The following FBXO9 variants were observed in gnomAD, a reference collection of about 807,000 sequenced individuals.
The protein encoded by FBXO9 is F-box only protein 9.
In FBXO9, 43 loss-of-function variants were observed where a neutral mutation model predicts 63.7. That is an observed-to-expected ratio of 0.67 (90% CI 0.53 to 0.87). The LOEUF is 0.87. FBXO9 is among the 40% of genes least tolerant of loss of function. The probability of loss-of-function intolerance (pLI) is 0.00; values close to 1 mark genes in which losing one functional copy is unlikely to be tolerated. For synonymous variants in FBXO9, 156 were observed against 171.7 expected (o/e 0.91, Z 0.72); for missense variants, 442 against 533.2 (o/e 0.83, Z 1.68).
chr6:53,070,215 T>A (rs1768865099), intron 1 of FBXO9, among the ~76,000 whole-genome samples: 1 of 151,892 alleles, frequency 6.6e-6, no homozygotes, highest in Non-Finnish European at 1.5e-5. Flanking sequence ...AGATGGGGTT[T>A]CACTATGTTG....
intron 10 of FBXO9, 89 bp downstream of exon 10, chr6:53,093,650 T>A: frequency 1.0e-6 from 1 of 972,372 alleles, no homozygotes; most frequent in Non-Finnish European, 1.5e-6. Context: ...TTCTTTCACT[T>A]AATACTGGAT....
chr6:53,092,275 C>A, intron 7 of FBXO9, 154 bp from the exon 8 acceptor site: 2 of 588,314 alleles, frequency 3.4e-6, no homozygotes, highest in Middle Eastern at 4.1e-4. Context: ...AGTAAAAGAG[C>A]AGGGCCTTTG....
At chr6:53,086,470 TAAAG>T (rs915338548) in intron 7 of FBXO9, among the ~76,000 whole-genome samples, 15 of 152,178 alleles carry the variant, frequency 9.9e-5, no homozygotes, top group African/African-American at 3.6e-4. Flanking sequence ...GCCAAAAAGA[TAAAG>T]AAATACCTTT....
chr6:53,069,718 G>T (rs1022615873), intron 1 of FBXO9, among the ~76,000 whole-genome samples: 9 of 152,150 alleles, frequency 5.9e-5, no homozygotes, highest in African/African-American at 1.9e-4. Context: ...CAAAAGACTT[G>T]AGACATATCA....
chr6:53,069,181 G>C (rs1196539060), intron 1 of FBXO9, among the ~76,000 whole-genome samples: 3 of 152,138 alleles, frequency 2.0e-5, no homozygotes, highest in Non-Finnish European at 4.4e-5. Context: ...AAACAAAGTT[G>C]TTATTTTTAG....
rs550466539 is a variant in FBXO9, at chr6:53,078,834, C to G, written c.343C>G (p.Pro115Ala). The change falls in exon 5 of 13, where the codon CCT becomes GCT. Residue 115 changes from proline (P) to alanine (A), a missense_variant. By Grantham distance (27) the Pro-to-Ala change is conservative. This residue lies in a region of FBXO9 where 180 missense variants were observed against 171.1 expected (regional missense o/e 1.05). Transcript: ENST00000323557. Reference sequence around the variant, plus strand: ...TTATCGTAGGGCTATGCAACTTGTACCTGATATAGAGTTCAAGATTACTTA... The same window carrying G: ...TTATCGTAGGGCTATGCAACTTGTAGCTGATATAGAGTTCAAGATTACTTA... ...KFYRRAMQLVPDIEFKITYTR... is the reference protein window; with the variant it reads ...KFYRRAMQLVADIEFKITYTR... The G allele has an allele frequency of 6.2e-7, 1 of 1,613,730 alleles. No homozygotes were observed. The highest frequency in any genetic ancestry group is 1.3e-5 in the African/African-American group (1 of 75,032).
intron 2 of FBXO9, among the ~76,000 whole-genome samples, chr6:53,072,338 G>A: frequency 6.6e-6 from 1 of 152,186 alleles, no homozygotes; most frequent in Non-Finnish European, 1.5e-5. Flanking sequence ...GAAGATTGCT[G>A]TGCAGGAAGT....
intron 1 of FBXO9, among the ~76,000 whole-genome samples, chr6:53,070,015 TCC>T (rs375534993): frequency 1.3e-5 from 2 of 148,240 alleles, no homozygotes. Flanking sequence ...TTTTCTTTTT[TCC>T]TTTTTTTTTT....
At chr6:53,081,771 G>GAATT (rs2127493876) in intron 6 of FBXO9, among the ~76,000 whole-genome samples, 1 of 152,288 alleles carries the variant, frequency 6.6e-6, no homozygotes, top group African/African-American at 2.4e-5. Flanking sequence ...GAATGTTTAG[G>GAATT]AATTAATGGA....
In FBXO9 at chr6:53,080,952, A is replaced by C; in HGVS notation, c.408-16A>C. The C allele has an allele frequency of 6.2e-7, 1 of 1,612,978 alleles. No individual in the cohort carries two copies. Among genetic ancestry groups the C allele is most frequent in the East Asian group, 2.2e-5 (1 of 44,854 alleles). On this transcript the variant is annotated splice_polypyrimidine_tract_variant and intron_variant, in intron 5 of 12. Transcript: ENST00000323557. ...GTAGACTGAGGCACTTAATTTATTC[A>C]CCTCCCTTTTTTCAGCATTGAAGAT...
chr6:53,071,256 C>A, intron 2 of FBXO9, 113 bp downstream of exon 2: 1 of 994,854 alleles, frequency 1.0e-6, no homozygotes, highest in Non-Finnish European at 1.5e-6. Context: ...TGGAATTTAA[C>A]TGTTTCCATA....
At chr6:53,076,124 A>G (rs1261609091) in intron 3 of FBXO9, among the ~76,000 whole-genome samples, 1 of 152,166 alleles carries the variant, frequency 6.6e-6, no homozygotes, top group Non-Finnish European at 1.5e-5. Context: ...TGGCTTGTAA[A>G]TATTTTCATC....
At chr6:53,081,807 G>A (rs75993292) in intron 6 of FBXO9, among the ~76,000 whole-genome samples, 12,197 of 152,182 alleles carry the variant, frequency 0.08, 513 homozygotes, top group Middle Eastern at 0.14. Flanking sequence ...GGTGGCTCAC[G>A]CCTGCAATCT....
intron 1 of FBXO9, chr6:53,066,247 C>G: frequency 5.0e-6 from 3 of 598,426 alleles, no homozygotes; most frequent in Non-Finnish European, 4.2e-6. Flanking sequence ...CACCGACAGT[C>G]CCTGCCGGCA....
intron 1 of FBXO9, chr6:53,067,885 T>C (rs767244104): frequency 6.6e-6 from 1 of 152,184 alleles, no homozygotes; most frequent in Non-Finnish European, 1.5e-5. Context: ...GAGTTCTTGA[T>C]CTCATTTATT....
chr6:53,077,915 C>T (rs949758250), intron 4 of FBXO9, among the ~76,000 whole-genome samples: 3 of 152,082 alleles, frequency 2.0e-5, no homozygotes, highest in Admixed American at 6.6e-5. Context: ...TCAGCCTCTA[C>T]AGCTCCAAGT....
intron 3 of FBXO9, among the ~76,000 whole-genome samples, chr6:53,076,137 C>T (rs904877529): frequency 6.6e-6 from 1 of 152,166 alleles, no homozygotes; most frequent in African/African-American, 2.4e-5. Flanking sequence ...TTTTCATCCT[C>T]TTAACAGGGC....
At chr6:53,088,230 A>G (rs1464708847) in intron 7 of FBXO9, among the ~76,000 whole-genome samples, 1 of 152,000 alleles carries the variant, frequency 6.6e-6, no homozygotes, top group South Asian at 2.1e-4. Context: ...CTTGGTTCAC[A>G]TGTCATAAGC....
At chr6:53,092,948 C>G (rs565834925) in intron 9 of FBXO9, 124 bp downstream of exon 9, 37 of 542,994 alleles carry the variant, frequency 6.8e-5, no homozygotes, top group Non-Finnish European at 1.2e-4. Flanking sequence ...TTATCTAGTA[C>G]TCAATGTAGG....
Sources: gnomAD v4.1 joint callset for allele counts (sites outside exome capture counted in the v4.1 genomes callset) on GRCh38, gnomAD v4.1.1 for gene constraint, gnomAD v4.1.1 regional missense constraint, MANE v1.5 for transcripts, NCBI Gene and HGNC (gene_info 2026-07-23, HGNC 2026-07-21) for gene names.